ME1: variants seen among roughly 807,000 people sequenced by gnomAD.
ME1 encodes the protein malic enzyme 1, also known as NADP-dependent malic enzyme.
In ME1, 74 loss-of-function variants were observed where a neutral mutation model predicts 66.4. That is an observed-to-expected ratio of 1.11 (90% CI 0.92 to 1.35). ME1 has a LOEUF of 1.35. ME1 is among the 40% of genes most tolerant of loss of function. The probability of loss-of-function intolerance (pLI) is 0.00; values close to 1 mark genes in which losing one functional copy is unlikely to be tolerated. For missense variants in ME1, 750 were observed against 694.1 expected (o/e 1.08, Z -0.90); for synonymous variants, 251 against 235.6 (o/e 1.07, Z -0.60).
intron 3 of ME1, chr6:83,393,382 T>C: frequency 1.3e-6 from 1 of 764,034 alleles, no homozygotes; most frequent in Non-Finnish European, 2.2e-6. Flanking sequence ...GGTGGACCTC[T>C]GCCCACAGTG....
At chr6:83,258,739 A>G (rs1766828701) in intron 6 of ME1, among the ~76,000 whole-genome samples, 1 of 152,168 alleles carries the variant, frequency 6.6e-6, no homozygotes, top group Admixed American at 6.5e-5. Flanking sequence ...CACTTAACAG[A>G]TAAAGAAATG....
At chr6:83,322,856 A>G (rs976522863) in intron 5 of ME1, among the ~76,000 whole-genome samples, 1 of 152,256 alleles carries the variant, frequency 6.6e-6, no homozygotes, top group African/African-American at 2.4e-5. Flanking sequence ...CATAATCGTC[A>G]GATCCACCAT....
At chr6:83,248,809 T>G (rs1177979967) in intron 7 of ME1, among the ~76,000 whole-genome samples, 1 of 152,196 alleles carries the variant, frequency 6.6e-6, no homozygotes, top group African/African-American at 2.4e-5. Context: ...CAATTAAACC[T>G]CTTTCCTTTA....
rs1768544308 is a variant in ME1, at chr6:83,339,962, G to A, written c.600+6211C>T. Among the ~76,000 whole-genome samples, 4 of 125,864 alleles carry A rather than the reference G, an allele frequency of 3.2e-5. No homozygotes were observed. In the South Asian group the frequency reaches 7.2e-4, roughly 23 times the overall value. 82.6% of individuals were successfully genotyped at this position (125,864 alleles called of 152,430 possible). A position where few individuals can be genotyped will look rare whatever the true frequency, so the allele number is the denominator to read the frequency against. On this transcript the variant is annotated intron_variant, in intron 5 of 13. Coordinates refer to ENST00000369705, the MANE Select transcript of ME1 (RefSeq NM_002395.6). The stretch of plus-strand genomic sequence containing the variant: ...ATGTGCACATGTACCCTAAAACTTA[G>A]AGTATAATAAAAAAAAAAAGAAAAG...
chr6:83,334,062 T>A (rs1000044950), intron 5 of ME1, among the ~76,000 whole-genome samples: 2 of 152,146 alleles, frequency 1.3e-5, no homozygotes, highest in Non-Finnish European at 1.5e-5. Context: ...TACCGGGTTC[T>A]TCTCACTAGG....
intron 3 of ME1, among the ~76,000 whole-genome samples, chr6:83,371,293 A>G (rs1388459894): frequency 6.6e-6 from 1 of 152,184 alleles, no homozygotes; most frequent in Non-Finnish European, 1.5e-5. Flanking sequence ...GCCTTTATCC[A>G]GAAGTCTTTC....
At chr6:83,257,564 A>G (rs1583343909) in intron 6 of ME1, among the ~76,000 whole-genome samples, 1 of 152,250 alleles carries the variant, frequency 6.6e-6, no homozygotes, top group East Asian at 1.9e-4. Flanking sequence ...GTCAATTCTG[A>G]AGGGAACGTA....
At chr6:83,242,880 T>C (rs1281117189) in intron 7 of ME1, among the ~76,000 whole-genome samples, 3 of 151,878 alleles carry the variant, frequency 2.0e-5, no homozygotes, top group Non-Finnish European at 2.9e-5. Flanking sequence ...AGCAAAACTC[T>C]CAAAAACCCA....
intron 13 of ME1, among the ~76,000 whole-genome samples, chr6:83,215,934 T>C (rs1340656786): frequency 1.3e-5 from 2 of 152,250 alleles, no homozygotes; most frequent in African/African-American, 4.8e-5. Flanking sequence ...TCTTCCAGTT[T>C]AGTTACAGAA....
intron 5 of ME1, among the ~76,000 whole-genome samples, chr6:83,343,186 C>T (rs1768622013): frequency 6.6e-6 from 1 of 152,214 alleles, no homozygotes; most frequent in African/African-American, 2.4e-5. Flanking sequence ...TACACACACC[C>T]TTCCCAGCCT....
chr6:83,263,891 T>C (rs1200947810), intron 6 of ME1, among the ~76,000 whole-genome samples: 1 of 152,100 alleles, frequency 6.6e-6, no homozygotes, highest in Non-Finnish European at 1.5e-5. Flanking sequence ...CAGCAAGTTA[T>C]CCAGAAGATC....
At chr6:83,420,315 G>T (rs1182565689) in intron 1 of ME1, among the ~76,000 whole-genome samples, 2 of 152,108 alleles carry the variant, frequency 1.3e-5, no homozygotes, top group Non-Finnish European at 2.9e-5. Flanking sequence ...TGATCCGCCT[G>T]CCTCAGCCTC....
At chr6:83,356,242 C>A (rs1223855079) in intron 3 of ME1, among the ~76,000 whole-genome samples, 1 of 152,044 alleles carries the variant, frequency 6.6e-6, no homozygotes, top group Non-Finnish European at 1.5e-5. Context: ...TTCTTAATAA[C>A]CCTCTGTTCC....
intron 6 of ME1, among the ~76,000 whole-genome samples, chr6:83,293,702 C>A (rs1210266442): frequency 1.3e-5 from 2 of 152,150 alleles, no homozygotes; most frequent in African/African-American, 4.8e-5. Context: ...GCGAAAGGAG[C>A]TGTCATAATG....
intron 2 of ME1, among the ~76,000 whole-genome samples, chr6:83,401,889 C>G (rs1769847464): frequency 6.6e-6 from 1 of 152,204 alleles, no homozygotes; most frequent in Admixed American, 6.5e-5. Flanking sequence ...TCAACAGCTT[C>G]CATTATGGGA....
intron 6 of ME1, among the ~76,000 whole-genome samples, chr6:83,301,233 C>T (rs934688803): frequency 2.0e-4 from 27 of 136,356 alleles, no homozygotes; most frequent in African/African-American, 8.3e-4. Context: ...CAAATGTCCT[C>T]CCTTGCTTCC....
chr6:83,294,543 C>T (rs73749784), intron 6 of ME1, among the ~76,000 whole-genome samples: 8,511 of 152,182 alleles, frequency 0.056, 446 homozygotes, highest in African/African-American at 0.13. Flanking sequence ...GCCACCCAAC[C>T]CCCTGGCTGA....
intron 12 of ME1, among the ~76,000 whole-genome samples, chr6:83,220,415 G>A (rs1292619821): frequency 6.6e-6 from 1 of 152,162 alleles, no homozygotes; most frequent in Non-Finnish European, 1.5e-5. Context: ...AGGGCCAGGA[G>A]GGCTGATCAC....
chr6:83,311,481 A>G (rs1767931032), intron 6 of ME1, among the ~76,000 whole-genome samples: 1 of 152,170 alleles, frequency 6.6e-6, no homozygotes, highest in African/African-American at 2.4e-5. Flanking sequence ...AAATGCCAGG[A>G]ATGCTGTGGC....
Sources: gnomAD v4.1 joint callset for allele counts (sites outside exome capture counted in the v4.1 genomes callset) on GRCh38, gnomAD v4.1.1 for gene constraint, MANE v1.5 for transcripts, NCBI Gene and HGNC (gene_info 2026-07-23, HGNC 2026-07-21) for gene names.